The following DIAPH2 variants were observed in gnomAD, a reference collection of about 807,000 sequenced individuals.
The protein encoded by DIAPH2 is protein diaphanous homolog 2.
A neutral mutation model predicts 92.7 loss-of-function variants in DIAPH2; 35 were observed. The observed-to-expected ratio is 0.38, with a 90% CI of 0.29 to 0.50. The LOEUF (loss-of-function observed/expected upper bound fraction) is 0.50, where lower values mean the gene tolerates loss of function less well. Among genes scored for constraint, DIAPH2 ranks in the 20% least tolerant of loss-of-function variants. The pLI, the probability that DIAPH2 is intolerant of heterozygous loss-of-function variation, is 0.94. For missense variants in DIAPH2, 701 were observed against 819.5 expected (o/e 0.86, Z 1.77); for synonymous variants, 301 against 280.4 (o/e 1.07, Z -0.73).
rs1291356258 is a variant in DIAPH2 at position 96,751,693 on chromosome X, G to A, written c.343-6461G>A. Among the ~76,000 whole-genome samples, 7 of 45,631 alleles carry A rather than the reference G, an allele frequency of 1.5e-4. No individual in the cohort carries two copies. The Admixed American group carries it at 2.3e-3, about 15-fold the overall frequency. The allele number at this position is 45,631 out of a possible 115,157, so 39.6% of individuals were successfully genotyped here. The stretch of plus-strand genomic sequence containing the variant: ...TTTTGAGACGAAGTCTCGCTCTGTC[G>A]CCCAGGCTGGAGTGCAGTGGCGGGA... On this transcript the variant is annotated intron_variant, in intron 3 of 26. Transcript: ENST00000324765.
chrX:97,307,750 A>C (rs2068758847), intron 23 of DIAPH2, among the ~76,000 whole-genome samples: 1 of 108,698 alleles, frequency 9.2e-6, no homozygotes. Flanking sequence ...CTCTACTAAA[A>C]ATACAAAATT....
chrX:96,722,260 G>A lies in DIAPH2; in HGVS notation c.133-13498G>A, dbSNP rs771643282. Among the ~76,000 whole-genome samples the A allele has an allele frequency of 2.7e-5, 3 of 110,802 alleles. No homozygotes were observed. In the East Asian group the frequency reaches 8.5e-4, roughly 31 times the overall value. The stretch of plus-strand genomic sequence containing the variant: ...TGATCTCAGCTACTTGGGAGGCTGA[G>A]GCAGGAGAATTGCTTGAACCTGGGA... On this transcript the variant is annotated intron_variant, in intron 1 of 26. Transcript: ENST00000324765.
At chrX:96,766,232 C>T (rs866009312) in intron 4 of DIAPH2, among the ~76,000 whole-genome samples, 1 of 106,288 alleles carries the variant, frequency 9.4e-6, no homozygotes. Flanking sequence ...TATATATACA[C>T]ATATATATAT....
At chrX:97,462,198 T>G (rs904641504) in intron 26 of DIAPH2, among the ~76,000 whole-genome samples, 4 of 111,649 alleles carry the variant, frequency 3.6e-5, no homozygotes, top group African/African-American at 1.3e-4. Context: ...CTCCTAACAT[T>G]CGTTACTGTG....
At chrX:96,708,486 T>A (rs2063899647) in intron 1 of DIAPH2, among the ~76,000 whole-genome samples, 1 of 110,601 alleles carries the variant, frequency 9.0e-6, no homozygotes, top group Admixed American at 9.6e-5. Context: ...GTGATCCACC[T>A]GCCTCAGTCT....
intron 17 of DIAPH2, among the ~76,000 whole-genome samples, chrX:97,016,257 T>C (rs995285219): frequency 2.7e-5 from 3 of 112,058 alleles, no homozygotes; most frequent in Non-Finnish European, 5.6e-5. Flanking sequence ...GGGCTTTTCT[T>C]AAGGCTAAAT....
intron 19 of DIAPH2, 26 bp from the exon 20 acceptor site, chrX:97,099,668 A>G: frequency 9.6e-7 from 1 of 1,041,484 alleles, no homozygotes; most frequent in Non-Finnish European, 1.3e-6. Context: ...AAAACACTAA[A>G]CTTTTATACT....
chrX:97,184,317 C>A (rs1307273051), intron 22 of DIAPH2, among the ~76,000 whole-genome samples: 3 of 112,123 alleles, frequency 2.7e-5, no homozygotes, highest in Non-Finnish European at 5.6e-5. Context: ...TCACTTATCT[C>A]TTCTTTCTGT....
intron 25 of DIAPH2, among the ~76,000 whole-genome samples, chrX:97,427,139 C>T (rs1282525388): frequency 1.8e-5 from 2 of 108,539 alleles, no homozygotes; most frequent in Admixed American, 9.9e-5. Context: ...GATTGCGCCA[C>T]TGCACTCCTG....
chrX:96,925,194 C>T (rs2065572622), intron 9 of DIAPH2, among the ~76,000 whole-genome samples: 1 of 110,540 alleles, frequency 9.0e-6, no homozygotes, highest in South Asian at 3.9e-4. Context: ...TGTTCAGCTG[C>T]CTCCTGACTA....
chrX:96,996,853 T>C lies in DIAPH2; in HGVS notation c.2050+31646T>C, dbSNP rs766364391. 2.7e-5 allele frequency among the ~76,000 whole-genome samples: 3 copies of C among 112,332 alleles called. No homozygotes were observed. In the South Asian group the frequency reaches 1.1e-3, roughly 42 times the overall value. ...TTTGATATTCGATATTGAGCTTAGA[T>C]ACCCACAGTTTGATCTGTGAAATCA... is the stretch of plus-strand genomic sequence containing the variant. On this transcript the variant is annotated intron_variant, in intron 17 of 26. Transcript: ENST00000324765.
intron 22 of DIAPH2, among the ~76,000 whole-genome samples, chrX:97,171,596 A>G (rs2067454151): frequency 8.9e-6 from 1 of 112,167 alleles, no homozygotes; most frequent in South Asian, 3.7e-4. Flanking sequence ...CATAGAAAAG[A>G]TATGGGTAGA....
At chrX:96,911,294 A>G (rs1233123825) in intron 5 of DIAPH2, among the ~76,000 whole-genome samples, 1 of 111,790 alleles carries the variant, frequency 8.9e-6, no homozygotes, top group Non-Finnish European at 1.9e-5. Flanking sequence ...ATTAAAGGAA[A>G]GATAACTAGG....
chrX:97,382,986 C>T (rs907726638), intron 24 of DIAPH2, among the ~76,000 whole-genome samples: 3 of 111,641 alleles, frequency 2.7e-5, no homozygotes, highest in African/African-American at 6.5e-5. Flanking sequence ...AAAAAAGAAA[C>T]AGAGCAGCTT....
At chrX:97,331,912 G>A (rs1372066419) in intron 23 of DIAPH2, among the ~76,000 whole-genome samples, 3 of 111,147 alleles carry the variant, frequency 2.7e-5, no homozygotes, top group Non-Finnish European at 5.7e-5. Flanking sequence ...ATAAGCAATT[G>A]GGTTAGAAAA....
intron 4 of DIAPH2, among the ~76,000 whole-genome samples, chrX:96,836,835 C>T (rs1345404320): frequency 4.3e-5 from 4 of 93,390 alleles, no homozygotes; most frequent in Non-Finnish European, 8.4e-5. Flanking sequence ...TCACGCCATT[C>T]TCCTGCCTCA....
At chrX:96,995,978 A>C (rs777987555) in intron 17 of DIAPH2, among the ~76,000 whole-genome samples, 2 of 111,253 alleles carry the variant, frequency 1.8e-5, no homozygotes, top group Non-Finnish European at 3.8e-5. Flanking sequence ...TCAAATCTTG[A>C]ATTTGTTTCC....
chrX:96,825,358 T>TC (rs1569406190), intron 4 of DIAPH2, among the ~76,000 whole-genome samples: 7 of 100,282 alleles, frequency 7.0e-5, no homozygotes, highest in Non-Finnish European at 7.9e-5. Context: ...TGTTTTCTTT[T>TC]TTTTTTTTTT....
chrX:96,978,813 A>G (rs2065977851), intron 17 of DIAPH2, among the ~76,000 whole-genome samples: 1 of 110,947 alleles, frequency 9.0e-6, no homozygotes, highest in African/African-American at 3.3e-5. Flanking sequence ...TGCATAGAAG[A>G]TGTTGTCAGG....
Sources: allele counts gnomAD v4.1 joint callset (sites outside exome capture counted in the v4.1 genomes callset), GRCh38; gene constraint gnomAD v4.1.1; transcripts MANE v1.5; gene names NCBI Gene and HGNC (gene_info 2026-07-23, HGNC 2026-07-21).